The following ST6GALNAC3 variants were observed in gnomAD, a reference collection of about 807,000 sequenced individuals.
ST6GALNAC3 encodes alpha-N-acetylgalactosaminide alpha-2,6-sialyltransferase 3.
A neutral mutation model predicts 32.7 loss-of-function variants in ST6GALNAC3; 25 were observed. That is an observed-to-expected ratio of 0.76 (90% CI 0.56 to 1.07). The LOEUF (loss-of-function observed/expected upper bound fraction) is 1.07, where lower values mean the gene tolerates loss of function less well. Ranked by LOEUF, ST6GALNAC3 falls within the 50% of genes least tolerant of loss-of-function variation. The pLI, the probability that ST6GALNAC3 is intolerant of heterozygous loss-of-function variation, is 0.00. For missense variants in ST6GALNAC3, 355 were observed against 382.4 expected (o/e 0.93, Z 0.60); for synonymous variants, 129 against 133.1 (o/e 0.97, Z 0.21).
chr1:76,275,613 G>C (rs1049291567), intron 1 of ST6GALNAC3, among the ~76,000 whole-genome samples: 10 of 151,928 alleles, frequency 6.6e-5, no homozygotes, highest in Admixed American at 2.0e-4. Context: ...GTGGGGATGG[G>C]GTGTAATCTT....
chr1:76,434,784 GTTTTT>G (rs1211703628), intron 3 of ST6GALNAC3, among the ~76,000 whole-genome samples: 1 of 72,204 alleles, frequency 1.4e-5, no homozygotes, highest in Non-Finnish European at 2.5e-5. Context: ...TTTTTTCTCT[GTTTTT>G]TTTTTTTTTT....
At chr1:76,474,832 G>A (rs1659248870) in intron 3 of ST6GALNAC3, among the ~76,000 whole-genome samples, 1 of 152,166 alleles carries the variant, frequency 6.6e-6, no homozygotes, top group African/African-American at 2.4e-5. Flanking sequence ...CATCCTGTGG[G>A]ATTGCACCTT....
At chr1:76,325,153 A>G (rs143575424) in intron 2 of ST6GALNAC3, among the ~76,000 whole-genome samples, 206 of 152,348 alleles carry the variant, frequency 1.4e-3, no homozygotes, top group African/African-American at 4.6e-3. Context: ...TGAGATGGAG[A>G]AGACCATAGG....
At chr1:76,470,619 C>T (rs1415288971) in intron 3 of ST6GALNAC3, among the ~76,000 whole-genome samples, 2 of 151,970 alleles carry the variant, frequency 1.3e-5, no homozygotes, top group African/African-American at 4.8e-5. Flanking sequence ...CAGATTTTTC[C>T]CTCATGGTTC....
At chr1:76,320,254 G>A (rs1298722037) in intron 2 of ST6GALNAC3, among the ~76,000 whole-genome samples, 1 of 152,134 alleles carries the variant, frequency 6.6e-6, no homozygotes, top group Non-Finnish European at 1.5e-5. Context: ...CTCCCAGTAG[G>A]CCAAGGACAC....
chr1:76,602,328 T>C (rs1647272499), intron 3 of ST6GALNAC3, among the ~76,000 whole-genome samples: 1 of 151,982 alleles, frequency 6.6e-6, no homozygotes, highest in African/African-American at 2.4e-5. Context: ...CACGTGTGTG[T>C]GTGCGTGTGC....
At chr1:76,189,433 T>G (rs1653767148) in intron 1 of ST6GALNAC3, among the ~76,000 whole-genome samples, 1 of 152,198 alleles carries the variant, frequency 6.6e-6, no homozygotes, top group Non-Finnish European at 1.5e-5. Context: ...CACATTGGTC[T>G]GGGCTGAACC....
chr1:76,186,850 C>G (rs746748101), intron 1 of ST6GALNAC3, among the ~76,000 whole-genome samples: 1 of 152,158 alleles, frequency 6.6e-6, no homozygotes, highest in Non-Finnish European at 1.5e-5. Context: ...ATTCTTATAA[C>G]AATCACAATT....
At chr1:76,280,572 G>C (rs1659440738) in intron 1 of ST6GALNAC3, among the ~76,000 whole-genome samples, 1 of 152,172 alleles carries the variant, frequency 6.6e-6, no homozygotes, top group Non-Finnish European at 1.5e-5. Flanking sequence ...AGAAGATTGA[G>C]TTGGATGCAC....
chr1:76,178,062 A>G (rs11806331), intron 1 of ST6GALNAC3, among the ~76,000 whole-genome samples: 1,580 of 152,366 alleles, frequency 0.01, 28 homozygotes, highest in African/African-American at 0.036. Context: ...TTGAATTGTC[A>G]TAATTATTTA....
At chr1:76,387,391 T>C (rs1047325539) in intron 2 of ST6GALNAC3, among the ~76,000 whole-genome samples, 2 of 152,136 alleles carry the variant, frequency 1.3e-5, no homozygotes, top group Non-Finnish European at 2.9e-5. Context: ...AACTCCAAAA[T>C]TTGTTATATT....
chr1:76,479,625 A>G (rs913534553), intron 3 of ST6GALNAC3, among the ~76,000 whole-genome samples: 35 of 151,908 alleles, frequency 2.3e-4, no homozygotes, highest in Non-Finnish European at 3.8e-4. Flanking sequence ...TCAGAAACAC[A>G]CTCCCATGAT....
At chr1:76,601,204 AGAAG>A (rs539179601) in intron 3 of ST6GALNAC3, among the ~76,000 whole-genome samples, 15 of 151,090 alleles carry the variant, frequency 9.9e-5, no homozygotes, top group Middle Eastern at 3.4e-3. Context: ...TCAAAAACAA[AGAAG>A]GAAGGAAGGA....
chr1:76,311,322 G>A (rs1445479024), intron 1 of ST6GALNAC3, among the ~76,000 whole-genome samples: 1 of 149,014 alleles, frequency 6.7e-6, no homozygotes, highest in Non-Finnish European at 1.5e-5. Flanking sequence ...GGATACATGT[G>A]TAGAATGTAC....
rs553209209 is a variant in ST6GALNAC3, at chr1:76,358,369, C to T, written c.213+44370C>T. On this transcript the variant is annotated intron_variant, in intron 2 of 4. Coordinates refer to ENST00000328299, the MANE Select transcript of ST6GALNAC3 (RefSeq NM_152996.4). The stretch of plus-strand genomic sequence containing the variant: ...ATATGGAACTCACGAAACCTTTCCA[C>T]ACTTTCTAATTTTAATGAATGACTT... Among the ~76,000 whole-genome samples the T allele has an allele frequency of 1.8e-3, 276 of 152,288 alleles. 1 individual carries two copies. Among genetic ancestry groups the T allele is most frequent in the African/African-American group, 5.7e-3 (237 of 41,570 alleles).
At chr1:76,589,335 C>A (rs973779286) in intron 3 of ST6GALNAC3, among the ~76,000 whole-genome samples, 6 of 151,970 alleles carry the variant, frequency 3.9e-5, no homozygotes, top group Non-Finnish European at 1.5e-5. Flanking sequence ...AAAAGAATAA[C>A]CCTGAACTAA....
intron 2 of ST6GALNAC3, among the ~76,000 whole-genome samples, chr1:76,388,944 A>T (rs1652306561): frequency 6.6e-6 from 1 of 150,934 alleles, no homozygotes; most frequent in South Asian, 2.1e-4. Flanking sequence ...GATGGTAATG[A>T]TAAACCTTCC....
chr1:76,549,547 T>G (rs919030499), intron 3 of ST6GALNAC3, among the ~76,000 whole-genome samples: 2 of 152,168 alleles, frequency 1.3e-5, no homozygotes, highest in Non-Finnish European at 2.9e-5. Flanking sequence ...AGTGTTTTGT[T>G]GTATAAATAT....
At chr1:76,315,489 A>C (rs1646848413) in intron 2 of ST6GALNAC3, among the ~76,000 whole-genome samples, 1 of 152,170 alleles carries the variant, frequency 6.6e-6, no homozygotes, top group Non-Finnish European at 1.5e-5. Flanking sequence ...CTATGGATGC[A>C]GTTATTTAAT....
Sources: allele counts gnomAD v4.1 joint callset (sites outside exome capture counted in the v4.1 genomes callset), GRCh38; gene constraint gnomAD v4.1.1; transcripts MANE v1.5; gene names NCBI Gene and HGNC (gene_info 2026-07-23, HGNC 2026-07-21).